Variants in RANBP2 observed in about 807,000 individuals in gnomAD.
RANBP2 encodes RAN binding protein 2.
A neutral mutation model predicts 303.6 loss-of-function variants in RANBP2; 57 were observed. The observed-to-expected ratio is 0.19, with a 90% CI of 0.15 to 0.23. RANBP2 has a LOEUF of 0.23. RANBP2 is among the 10% of genes least tolerant of loss of function. The pLI, the probability that RANBP2 is intolerant of heterozygous loss-of-function variation, is 1.00. For synonymous variants in RANBP2, 1,167 were observed against 1,301.5 expected (o/e 0.90, Z 2.23); for missense variants, 3,138 against 3,780.8 (o/e 0.83, Z 4.46).
At chr2:109,282,560 C>T in the RANBP2 span, among the ~76,000 whole-genome samples, 1 of 152,156 alleles carries the variant, frequency 6.6e-6, no homozygotes, top group African/African-American at 2.4e-5. Flanking sequence ...CAGCTGACTG[C>T]AGGGCCTGGG....
chr2:108,812,016 G>C, the RANBP2 span, among the ~76,000 whole-genome samples: 2 of 151,872 alleles, frequency 1.3e-5, no homozygotes, highest in African/African-American at 4.8e-5. Context: ...TTTATTGTAA[G>C]ATACCATAAG....
At chr2:109,468,779 G>A in the RANBP2 span, among the ~76,000 whole-genome samples, 3 of 150,800 alleles carry the variant, frequency 2.0e-5, no homozygotes, top group African/African-American at 7.4e-5. Flanking sequence ...GCTTGAGCCT[G>A]GGAGGTGGAG....
At chr2:109,097,430 A>G in the RANBP2 span, among the ~76,000 whole-genome samples, 2 of 152,070 alleles carry the variant, frequency 1.3e-5, no homozygotes, top group African/African-American at 2.4e-5. Flanking sequence ...GCAAAAAAAC[A>G]AACAAACAAA....
the RANBP2 span, among the ~76,000 whole-genome samples, chr2:109,740,343 A>C: frequency 6.6e-6 from 1 of 152,116 alleles, no homozygotes; most frequent in Non-Finnish European, 1.5e-5. Context: ...ATCAAAATAT[A>C]ACTGCAAGTG....
Position 108,779,238 on chromosome 2 carries a change from C to T in RANBP2, c.8599+2007C>T, listed in dbSNP as rs551114795. On this transcript the variant is annotated intron_variant, in intron 25 of 28. Transcript: ENST00000283195. ...GTGCAGTGGCGCAGATCTCAGTTTA[C>T]TGCAACCTCTGCTTGCTAGGTTCAA... Among the ~76,000 whole-genome samples, 6 of 152,300 alleles carry T rather than the reference C, an allele frequency of 3.9e-5. No homozygotes were observed. In the South Asian group the frequency reaches 1.2e-3, roughly 32 times the overall value.
At chr2:108,961,675 C>G in the RANBP2 span, among the ~76,000 whole-genome samples, 1 of 152,216 alleles carries the variant, frequency 6.6e-6, no homozygotes, top group Non-Finnish European at 1.5e-5. Flanking sequence ...CACATTCATT[C>G]TGATGCAAGG....
chr2:109,359,788 A>G, the RANBP2 span, among the ~76,000 whole-genome samples: 3 of 152,010 alleles, frequency 2.0e-5, no homozygotes, highest in Admixed American at 2.0e-4. Context: ...GGGAAAAAAG[A>G]CCCTCCCAGG....
chr2:108,744,028 A>G (rs1452008701), intron 7 of RANBP2, among the ~76,000 whole-genome samples: 2 of 152,222 alleles, frequency 1.3e-5, no homozygotes, highest in African/African-American at 4.8e-5. Flanking sequence ...CAGACTCTTA[A>G]TCAGAGGAAT....
At chr2:108,790,910 C>T in the RANBP2 span, among the ~76,000 whole-genome samples, 2 of 151,844 alleles carry the variant, frequency 1.3e-5, no homozygotes, top group African/African-American at 4.8e-5. Flanking sequence ...CACCACTACT[C>T]CCAGCTAATT....
chr2:108,892,072 G>A, the RANBP2 span, among the ~76,000 whole-genome samples: 2 of 152,138 alleles, frequency 1.3e-5, no homozygotes, highest in Non-Finnish European at 2.9e-5. Flanking sequence ...CCAGGATAAG[G>A]TGATCCTCAG....
At chr2:109,362,718 G>C in the RANBP2 span, among the ~76,000 whole-genome samples, 1 of 152,076 alleles carries the variant, frequency 6.6e-6, no homozygotes, top group East Asian at 1.9e-4. Context: ...TTCTCCTTCT[G>C]TCAGTTTTTT....
At chr2:108,922,013 G>A in the RANBP2 span, among the ~76,000 whole-genome samples, 1 of 152,258 alleles carries the variant, frequency 6.6e-6, no homozygotes, top group Non-Finnish European at 1.5e-5. Flanking sequence ...TGAGGACTCA[G>A]GGGACTTTGC....
At chr2:109,368,708 T>TAAAA in the RANBP2 span, among the ~76,000 whole-genome samples, 83 of 136,804 alleles carry the variant, frequency 6.1e-4, no homozygotes, top group South Asian at 1.9e-3. Context: ...GTATTTTCTT[T>TAAAA]AAAAAAAAAA....
At chr2:108,937,254 C>T in the RANBP2 span, among the ~76,000 whole-genome samples, 1 of 152,200 alleles carries the variant, frequency 6.6e-6, no homozygotes, top group Non-Finnish European at 1.5e-5. Context: ...GTGAAGATTT[C>T]AGGGCTATGA....
the RANBP2 span, chr2:108,896,764 T>C: frequency 1.3e-6 from 1 of 784,794 alleles, no homozygotes; most frequent in Non-Finnish European, 2.0e-6. Flanking sequence ...CCTTATTTCG[T>C]CTGGCTCCTT....
the RANBP2 span, among the ~76,000 whole-genome samples, chr2:109,023,986 C>T: frequency 1.3e-5 from 2 of 152,140 alleles, no homozygotes; most frequent in Non-Finnish European, 2.9e-5. Context: ...AGTGCAATGG[C>T]ATGATCTCGG....
chr2:109,678,238 A>C, the RANBP2 span, among the ~76,000 whole-genome samples: 3 of 152,278 alleles, frequency 2.0e-5, no homozygotes, highest in Non-Finnish European at 4.4e-5. Flanking sequence ...TTAAAGGATC[A>C]CAAGAGCAAA....
chr2:108,736,899 C>T (rs1695628923), intron 6 of RANBP2, among the ~76,000 whole-genome samples: 2 of 151,912 alleles, frequency 1.3e-5, no homozygotes, highest in Admixed American at 1.3e-4. Flanking sequence ...TGCAGCATGC[C>T]TCTGTTTATG....
At chr2:109,046,811 C>T in the RANBP2 span, among the ~76,000 whole-genome samples, 1 of 152,108 alleles carries the variant, frequency 6.6e-6, no homozygotes, top group African/African-American at 2.4e-5. Flanking sequence ...TATGTCTGGA[C>T]CACAGGACCT....
Sources: allele counts gnomAD v4.1 joint callset (sites outside exome capture counted in the v4.1 genomes callset), GRCh38; gene constraint gnomAD v4.1.1; transcripts MANE v1.5; gene names NCBI Gene and HGNC (gene_info 2026-07-23, HGNC 2026-07-21).